Variants in ITGA9 observed in about 807,000 individuals in gnomAD.
ITGA9 encodes integrin alpha-9.
In ITGA9, 56 loss-of-function variants were observed where a neutral mutation model predicts 127.8. That is an observed-to-expected ratio of 0.44 (90% CI 0.35 to 0.55). The LOEUF (loss-of-function observed/expected upper bound fraction) is 0.55. Among genes scored for constraint, ITGA9 ranks in the 20% least tolerant of loss-of-function variants. ITGA9 has a pLI of 0.00. For synonymous variants in ITGA9, 508 were observed against 514.5 expected (o/e 0.99, Z 0.17); for missense variants, 1,196 against 1,347.1 (o/e 0.89, Z 1.76).
chr3:37,736,565 C>G (rs1696365318), intron 19 of ITGA9, among the ~76,000 whole-genome samples: 1 of 152,086 alleles, frequency 6.6e-6, no homozygotes, highest in South Asian at 2.1e-4. Context: ...AAAATATGAA[C>G]AAATATCCCA....
intron 18 of ITGA9, among the ~76,000 whole-genome samples, chr3:37,707,080 T>C (rs1200757995): frequency 2.0e-4 from 30 of 152,310 alleles, no homozygotes; most frequent in Admixed American, 1.9e-3. Flanking sequence ...ACCTATACTA[T>C]ACAAGAAGTT....
At chr3:37,713,336 C>T (rs567865330) in intron 18 of ITGA9, among the ~76,000 whole-genome samples, 3 of 152,218 alleles carry the variant, frequency 2.0e-5, no homozygotes, top group Non-Finnish European at 2.9e-5. Flanking sequence ...GCATTCTTTT[C>T]CCATGTGTCA....
intron 4 of ITGA9, among the ~76,000 whole-genome samples, chr3:37,484,433 A>G (rs1698588904): frequency 6.6e-6 from 1 of 152,144 alleles, no homozygotes; most frequent in African/African-American, 2.4e-5. Context: ...TTTGTGGTTT[A>G]AACTAGACCT....
chr3:37,520,163 T>C (rs1029404248), intron 11 of ITGA9, among the ~76,000 whole-genome samples: 2 of 152,216 alleles, frequency 1.3e-5, no homozygotes, highest in Non-Finnish European at 2.9e-5. Context: ...CATGAATAAT[T>C]GTCCTTGGCA....
intron 15 of ITGA9, among the ~76,000 whole-genome samples, chr3:37,578,042 G>A (rs572648865): frequency 1.3e-3 from 191 of 152,184 alleles, no homozygotes; most frequent in Non-Finnish European, 1.8e-3. Flanking sequence ...CCCAAACATG[G>A]TTTTTAGTGA....
rs1208570429 is a variant in ITGA9, at chr3:37,519,226, G to C, written c.1142-34G>C. 3 of 1,536,750 alleles carry C rather than the reference G, an allele frequency of 2.0e-6. No individual in the cohort carries two copies. In the African/African-American group the frequency reaches 4.1e-5, roughly 21 times the overall value. ...AAGCTGCACTTGTATTATTAATGTGGCTTTTTAACCCATAGCTGTTTTTTT... is the reference window on the plus strand; with the variant it reads ...AAGCTGCACTTGTATTATTAATGTGCCTTTTTAACCCATAGCTGTTTTTTT... On this transcript the variant is annotated intron_variant, in intron 10 of 27. Coordinates refer to ENST00000264741, the MANE Select transcript of ITGA9 (RefSeq NM_002207.3).
At chr3:37,667,977 A>G (rs1011651419) in intron 17 of ITGA9, among the ~76,000 whole-genome samples, 5 of 152,172 alleles carry the variant, frequency 3.3e-5, no homozygotes, top group Non-Finnish European at 5.9e-5. Context: ...TTTGATTTGC[A>G]GTTTCCTGAA....
intron 16 of ITGA9, among the ~76,000 whole-genome samples, chr3:37,647,139 A>G (rs1700385216): frequency 6.6e-6 from 1 of 152,072 alleles, no homozygotes. Context: ...CCTATTAAAC[A>G]ATTGCATTCC....
At chr3:37,551,718 G>A (rs1449757831) in intron 15 of ITGA9, among the ~76,000 whole-genome samples, 1 of 152,176 alleles carries the variant, frequency 6.6e-6, no homozygotes, top group Non-Finnish European at 1.5e-5. Flanking sequence ...CACTCTTTGA[G>A]TAGTAGCTGG....
At chr3:37,595,346 C>T (rs1035464728) in intron 15 of ITGA9, among the ~76,000 whole-genome samples, 3 of 152,142 alleles carry the variant, frequency 2.0e-5, no homozygotes, top group African/African-American at 7.2e-5. Context: ...AAGAAAAGGC[C>T]ACACAAGGAA....
Position 37,452,523 on chromosome 3 carries a change from A to G in ITGA9, c.149A>G (p.Tyr50Cys), listed in dbSNP as rs1231614698. 2 of 1,528,238 alleles carry G rather than the reference A, an allele frequency of 1.3e-6. No homozygotes were observed. Among genetic ancestry groups the G allele is most frequent in the African/African-American group, 1.4e-5 (1 of 69,826 alleles). The allele number at this position is 1,528,238 out of a possible 1,614,324, so 94.7% of individuals were successfully genotyped here. A position where few individuals can be genotyped will look rare whatever the true frequency, so the allele number is the denominator to read the frequency against. The change falls in exon 1 of 28, where the codon TAC becomes TGC. Residue 50 changes from tyrosine (Y) to cysteine (C), a missense_variant. Transcript: ENST00000264741. This position sits in a 1 kb window ranked among gnomAD's most constrained non-coding sequence, Gnocchi z 7.3. ...FQGPADSFFG[Y>C]AVLEHFHDNT... ...GGCCCCGCTGACTCGTTCTTCGGCT[A>G]CGCAGTTCTGGAGCATTTCCACGAC...
intron 15 of ITGA9, among the ~76,000 whole-genome samples, chr3:37,628,632 G>A (rs1336259856): frequency 1.3e-5 from 2 of 152,028 alleles, no homozygotes; most frequent in Non-Finnish European, 2.9e-5. Flanking sequence ...ACTGTCAATC[G>A]ACTGTTCCCT....
chr3:37,453,123 C>CG (rs1209888999), intron 1 of ITGA9, among the ~76,000 whole-genome samples: 1 of 151,010 alleles, frequency 6.6e-6, no homozygotes, highest in East Asian at 2.0e-4. Flanking sequence ...GCGCCCCCCC[C>CG]CCCCCCCAGC....
At chr3:37,515,339 C>A (rs1423407015) in intron 9 of ITGA9, among the ~76,000 whole-genome samples, 1 of 152,072 alleles carries the variant, frequency 6.6e-6, no homozygotes, top group Admixed American at 6.5e-5. Context: ...TGCTAGGTAT[C>A]CCAGTTGGGA....
At chr3:37,791,546 G>T (rs1308045210) in intron 26 of ITGA9, among the ~76,000 whole-genome samples, 1 of 152,210 alleles carries the variant, frequency 6.6e-6, no homozygotes, top group Non-Finnish European at 1.5e-5. Context: ...GTCTGGCATG[G>T]TGTCCTGGAC....
At chr3:37,795,859 C>T (rs2125559018) in intron 26 of ITGA9, among the ~76,000 whole-genome samples, 1 of 152,304 alleles carries the variant, frequency 6.6e-6, no homozygotes. Flanking sequence ...CTCACGGGGG[C>T]TTTTTCCTTG....
At chr3:37,651,709 C>T (rs1700431114) in intron 16 of ITGA9, among the ~76,000 whole-genome samples, 1 of 152,120 alleles carries the variant, frequency 6.6e-6, no homozygotes, top group African/African-American at 2.4e-5. Flanking sequence ...CCCAGGGACT[C>T]AGAGAAGTGG....
rs1410015822 is a variant in ITGA9, at chr3:37,819,807, A to G, written c.*818A>G. 1.3e-5 allele frequency: 2 copies of G among 152,258 alleles called. No homozygotes were observed. Among genetic ancestry groups the G allele is most frequent in the Non-Finnish European group, 2.9e-5 (2 of 68,068 alleles). 9.4% of individuals were successfully genotyped at this position (152,258 alleles called of 1,614,324 possible). On this transcript the variant is annotated 3_prime_UTR_variant, in exon 28 of 28. Transcript: ENST00000264741. ...ATGGATGAAAGCTTGGAGCAATGCCATGTGGTCATCTGGTAAACCTCAGAA... is the reference window on the plus strand; with the variant it reads ...ATGGATGAAAGCTTGGAGCAATGCCGTGTGGTCATCTGGTAAACCTCAGAA...
rs566403027 is a variant in ITGA9 at position 37,767,645 on chromosome 3, C to T, written c.2542-9747C>T. On this transcript the variant is annotated intron_variant, in intron 23 of 27. Coordinates refer to ENST00000264741, the MANE Select transcript of ITGA9 (RefSeq NM_002207.3). ...GCAGGGACTGTCCAAAGCCAGAGCC[C>T]CTCATATTAGCCTAGCTTATGTTGT... Among the ~76,000 whole-genome samples, 7 of 152,254 alleles carry T rather than the reference C, an allele frequency of 4.6e-5. No homozygotes were observed. The East Asian group carries it at 1.4e-3, about 29-fold the overall frequency.
Sources: allele counts gnomAD v4.1 joint callset (sites outside exome capture counted in the v4.1 genomes callset), GRCh38; gene constraint gnomAD v4.1.1; non-coding constraint Gnocchi (gnomAD v3.1); transcripts MANE v1.5; gene names NCBI Gene and HGNC (gene_info 2026-07-23, HGNC 2026-07-21).